Variants in RAB3C observed in about 807,000 individuals in gnomAD.
RAB3C encodes ras-related protein Rab-3C.
A neutral mutation model predicts 26.4 loss-of-function variants in RAB3C; 17 were observed. The observed-to-expected ratio is 0.64, with a 90% CI of 0.44 to 0.97. RAB3C has a LOEUF of 0.97. Among genes scored for constraint, RAB3C ranks in the 50% least tolerant of loss-of-function variants. RAB3C has a pLI of 0.00. For missense variants in RAB3C, 242 were observed against 281.9 expected (o/e 0.86, Z 1.01); for synonymous variants, 91 against 95.9 (o/e 0.95, Z 0.30).
intron 2 of RAB3C, among the ~76,000 whole-genome samples, chr5:58,656,726 A>T (rs1254081530): frequency 6.6e-6 from 1 of 152,174 alleles, no homozygotes; most frequent in Non-Finnish European, 1.5e-5. Context: ...AGGTGAGGAG[A>T]GGGGACAGAG....
At chr5:58,829,526 G>T (rs1743567386) in intron 4 of RAB3C, among the ~76,000 whole-genome samples, 1 of 152,166 alleles carries the variant, frequency 6.6e-6, no homozygotes, top group African/African-American at 2.4e-5. Flanking sequence ...GGCAGAAAAT[G>T]CAGAAACTCC....
At chr5:58,654,674 C>T (rs968443845) in intron 2 of RAB3C, among the ~76,000 whole-genome samples, 18 of 115,592 alleles carry the variant, frequency 1.6e-4, no homozygotes, top group Non-Finnish European at 2.6e-4. Flanking sequence ...CATGCTCTCA[C>T]TCTCTCTTCT....
At chr5:58,592,119 G>A (rs1308662643) in intron 1 of RAB3C, among the ~76,000 whole-genome samples, 6 of 151,840 alleles carry the variant, frequency 4.0e-5, no homozygotes, top group Admixed American at 3.3e-4. Flanking sequence ...CACCCATCTC[G>A]AACTCCTGAC....
intron 2 of RAB3C, among the ~76,000 whole-genome samples, chr5:58,665,255 G>A: frequency 6.6e-6 from 1 of 152,094 alleles, no homozygotes; most frequent in East Asian, 1.9e-4. Context: ...ATCCTACCAG[G>A]CAGGTAAGTG....
At chr5:58,584,465 C>A (rs984478144) in intron 1 of RAB3C, among the ~76,000 whole-genome samples, 2 of 152,090 alleles carry the variant, frequency 1.3e-5, no homozygotes, top group African/African-American at 4.8e-5. Context: ...CTATTTGTGA[C>A]TTAGCTTTTC....
chr5:58,795,304 A>G (rs1318232225), intron 3 of RAB3C, among the ~76,000 whole-genome samples: 1 of 152,188 alleles, frequency 6.6e-6, no homozygotes, highest in Non-Finnish European at 1.5e-5. Flanking sequence ...TGTCTTTATT[A>G]GCAGTATAAG....
At chr5:58,805,679 A>G (rs1023037335) in intron 3 of RAB3C, among the ~76,000 whole-genome samples, 13 of 152,158 alleles carry the variant, frequency 8.5e-5, no homozygotes, top group Non-Finnish European at 1.5e-4. Flanking sequence ...ATGTTCCCAG[A>G]TGATGAGTTG....
At chr5:58,693,305 TAAATAAAATTAAGAA>T (rs1230622443) in intron 2 of RAB3C, among the ~76,000 whole-genome samples, 7 of 136,936 alleles carry the variant, frequency 5.1e-5, no homozygotes, top group African/African-American at 1.9e-4. Flanking sequence ...TTTAATTATA[TAAATAAAATTAAGAA>T]ATTATATATA....
Position 58,856,333 on chromosome 5 carries a change from C to T in RAB3C, c.*4982C>T, listed in dbSNP as rs1579955929. On this transcript the variant is annotated 3_prime_UTR_variant, in exon 5 of 5. Coordinates refer to ENST00000282878, the MANE Select transcript of RAB3C (RefSeq NM_138453.4). The stretch of plus-strand genomic sequence containing the variant: ...AGAAATGAGTCATTTTAAAACCTCA[C>T]TCAGAGCTCGAGTGTTAAGATCAGA... 1 of 71,784 alleles carries T rather than the reference C, an allele frequency of 1.4e-5. No individual in the cohort carries two copies. The highest frequency in any genetic ancestry group is 5.0e-5 in the African/African-American group (1 of 20,114). The allele number at this position is 71,784 out of a possible 1,614,324, so 4.4% of individuals were successfully genotyped here. A position where few individuals can be genotyped will look rare whatever the true frequency, so the allele number is the denominator to read the frequency against.
intron 2 of RAB3C, among the ~76,000 whole-genome samples, chr5:58,677,427 G>T (rs1187633690): frequency 6.6e-6 from 1 of 152,054 alleles, no homozygotes; most frequent in African/African-American, 2.4e-5. Context: ...AATTTTTGTT[G>T]TTTTAGTTTG....
intron 1 of RAB3C, among the ~76,000 whole-genome samples, chr5:58,584,309 C>A (rs1745967785): frequency 6.6e-6 from 1 of 152,124 alleles, no homozygotes; most frequent in Admixed American, 6.5e-5. Flanking sequence ...TTAAGAACCC[C>A]TTACTGGACT....
intron 2 of RAB3C, among the ~76,000 whole-genome samples, chr5:58,640,710 A>C (rs907096937): frequency 3.3e-5 from 5 of 152,318 alleles, no homozygotes; most frequent in African/African-American, 1.2e-4. Flanking sequence ...AAACAGTAGA[A>C]TAGAAAATCA....
At chr5:58,796,371 T>C (rs966901391) in intron 3 of RAB3C, among the ~76,000 whole-genome samples, 6 of 152,198 alleles carry the variant, frequency 3.9e-5, no homozygotes, top group East Asian at 1.9e-4. Flanking sequence ...TGGCATGTCA[T>C]GTAATTTTTC....
chr5:58,759,045 C>T (rs531331645), intron 3 of RAB3C, among the ~76,000 whole-genome samples: 5 of 152,280 alleles, frequency 3.3e-5, no homozygotes, highest in Admixed American at 2.6e-4. Context: ...AATCAAACCG[C>T]TTTATACTAA....
chr5:58,725,526 T>C (rs138216903), intron 2 of RAB3C, among the ~76,000 whole-genome samples: 1 of 152,044 alleles, frequency 6.6e-6, no homozygotes, highest in Non-Finnish European at 1.5e-5. Context: ...TTCTATCCCT[T>C]GCTCCTGCTC....
chr5:58,648,970 C>T (rs1173755463), intron 2 of RAB3C, among the ~76,000 whole-genome samples: 1 of 152,164 alleles, frequency 6.6e-6, no homozygotes, highest in African/African-American at 2.4e-5. Context: ...TGATCTCACA[C>T]CCAGTGCTTA....
chr5:58,784,707 A>G (rs1742339103), intron 3 of RAB3C: 1 of 152,236 alleles, frequency 6.6e-6, no homozygotes, highest in Non-Finnish European at 1.5e-5. Flanking sequence ...AAGTGTAAAG[A>G]AAGAGAAATC....
At chr5:58,725,941 C>A in intron 2 of RAB3C, 61 bp from the exon 3 acceptor site, 2 of 948,528 alleles carry the variant, frequency 2.1e-6, no homozygotes, top group Non-Finnish European at 3.2e-6. Context: ...AATTATTAAT[C>A]ACTTCCCAAA....
At position 58,705,378 on chromosome 5, in the gene RAB3C, T is replaced by C. The variant is rs1015551485; in HGVS notation, c.253-20624T>C. Among the ~76,000 whole-genome samples the C allele has an allele frequency of 9.2e-5, 14 of 152,286 alleles. No individual in the cohort carries two copies. The East Asian group carries it at 2.3e-3, about 25-fold the overall frequency. ...ATGTGAACTAGATTCTTCTGTCTTA[T>C]GGTCAGGAGTTTTGCAATACTGTTA... On this transcript the variant is annotated intron_variant, in intron 2 of 4. Transcript: ENST00000282878.
Sources: allele counts gnomAD v4.1 joint callset (sites outside exome capture counted in the v4.1 genomes callset), GRCh38; gene constraint gnomAD v4.1.1; transcripts MANE v1.5; gene names NCBI Gene and HGNC (gene_info 2026-07-23, HGNC 2026-07-21).